Variants in TRPM3 observed in about 807,000 individuals in gnomAD.
TRPM3 encodes the protein long transient receptor potential channel 3.
A neutral mutation model predicts 181.2 loss-of-function variants in TRPM3; 77 were observed. The ratio of observed to expected loss-of-function variants is 0.42; its 90% CI spans 0.35 to 0.51. The LOEUF is 0.51. TRPM3 is among the 20% of genes least tolerant of loss of function. The pLI, the probability that TRPM3 is intolerant of heterozygous loss-of-function variation, is 0.01. For synonymous variants in TRPM3, 745 were observed against 796.4 expected (o/e 0.94, Z 1.09); for missense variants, 1,759 against 2,196.7 (o/e 0.80, Z 3.98).
intron 22 of TRPM3, among the ~76,000 whole-genome samples, chr9:70,572,849 CAGTA>C (rs1339886589): frequency 1.3e-5 from 2 of 152,150 alleles, no homozygotes; most frequent in African/African-American, 4.8e-5. Context: ...CATCTAAAGA[CAGTA>C]AGTAACTAGA....
intron 1 of TRPM3, among the ~76,000 whole-genome samples, chr9:71,052,779 G>T: frequency 6.6e-6 from 1 of 151,718 alleles, no homozygotes. Context: ...AATGGCCAAA[G>T]TACCATCATC....
intron 1 of TRPM3, among the ~76,000 whole-genome samples, chr9:71,351,517 A>G (rs1446942012): frequency 1.3e-5 from 2 of 152,204 alleles, no homozygotes; most frequent in Non-Finnish European, 2.9e-5. Context: ...ATGGTTTCCA[A>G]TTTAAATGTC....
intron 1 of TRPM3, among the ~76,000 whole-genome samples, chr9:71,376,785 A>G (rs968429303): frequency 6.6e-6 from 1 of 152,118 alleles, no homozygotes; most frequent in Non-Finnish European, 1.5e-5. Flanking sequence ...GAAAATTTGG[A>G]AATTTCTGTT....
chr9:71,042,519 G>A (rs933412852), intron 1 of TRPM3, among the ~76,000 whole-genome samples: 2 of 151,926 alleles, frequency 1.3e-5, no homozygotes, highest in African/African-American at 2.4e-5. Context: ...CCCATAAGTG[G>A]CAGGAACACG....
intron 9 of TRPM3, among the ~76,000 whole-genome samples, chr9:70,674,602 C>T (rs995709421): frequency 6.6e-6 from 1 of 151,936 alleles, no homozygotes; most frequent in Non-Finnish European, 1.5e-5. Context: ...CTCTGTTGCC[C>T]AGCCTGGAGT....
chr9:71,268,779 G>T (rs1350815538), intron 1 of TRPM3, among the ~76,000 whole-genome samples: 1 of 152,062 alleles, frequency 6.6e-6, no homozygotes, highest in Non-Finnish European at 1.5e-5. Flanking sequence ...CCAAGAGTGT[G>T]CCACTGCACT....
intron 3 of TRPM3, among the ~76,000 whole-genome samples, chr9:70,859,532 C>A (rs1380159693): frequency 6.6e-6 from 1 of 152,074 alleles, no homozygotes; most frequent in Admixed American, 6.5e-5. Flanking sequence ...GGCACAGTAC[C>A]AGCGATGTAG....
chr9:71,009,504 G>T (rs2134346005), intron 1 of TRPM3, among the ~76,000 whole-genome samples: 1 of 152,012 alleles, frequency 6.6e-6, no homozygotes, highest in South Asian at 2.1e-4. Context: ...AGCTACAAAA[G>T]ATACCTATGA....
At chr9:71,234,987 CT>C (rs1226070577) in intron 1 of TRPM3, among the ~76,000 whole-genome samples, 3 of 152,174 alleles carry the variant, frequency 2.0e-5, no homozygotes, top group Non-Finnish European at 1.5e-5. Flanking sequence ...AAGGTAAGTA[CT>C]AACGTCAAAT....
intron 1 of TRPM3, among the ~76,000 whole-genome samples, chr9:71,395,369 T>C (rs1426402466): frequency 6.6e-6 from 1 of 152,226 alleles, no homozygotes; most frequent in Non-Finnish European, 1.5e-5. Flanking sequence ...CCTAGGAAAA[T>C]GATAAATGCT....
intron 1 of TRPM3, among the ~76,000 whole-genome samples, chr9:71,308,819 A>T: frequency 6.9e-6 from 1 of 144,388 alleles, no homozygotes; most frequent in Non-Finnish European, 1.6e-5. Context: ...GAATGAGATT[A>T]TGACAACAAT....
At chr9:70,618,301 T>C (rs993768241) in intron 17 of TRPM3, among the ~76,000 whole-genome samples, 4 of 152,250 alleles carry the variant, frequency 2.6e-5, no homozygotes, top group African/African-American at 7.2e-5. Flanking sequence ...TAACTATACA[T>C]AGACACATTA....
chr9:71,253,449 C>A (rs984961656), intron 1 of TRPM3, among the ~76,000 whole-genome samples: 2 of 152,096 alleles, frequency 1.3e-5, no homozygotes, highest in South Asian at 4.1e-4. Context: ...ATGCTGCTAA[C>A]CATCATAACA....
In TRPM3 at chr9:70,536,892, T is replaced by A. The variant is rs1178376702; in HGVS notation, c.4221A>T (p.Arg1407Ser). Residue 1407 changes from arginine to serine, a missense_variant, in exon 26 of 26, where the codon AGA becomes AGT. Around this residue, in one of 8 missense-constraint regions of TRPM3, gnomAD observed 612 missense variants for 590.0 expected, o/e 1.04. Coordinates refer to ENST00000677713, the MANE Select transcript of TRPM3 (RefSeq NM_001366145.2). The stretch of plus-strand genomic sequence containing the variant: ...CATAGATGTCTATACACGATGATGG[T>A]CTTCTGGAATCAGGAACAATGGCCA... The part of the protein sequence containing the change: ...NTLAIVPDSR[R>S]PSSCIDIYVS... 1.9e-6 allele frequency: 3 copies of A among 1,614,072 alleles called. No individual in the cohort carries two copies. The South Asian group carries it at 3.3e-5, about 18-fold the overall frequency.
intron 1 of TRPM3, among the ~76,000 whole-genome samples, chr9:71,336,377 T>C (rs1363340124): frequency 5.3e-5 from 8 of 152,066 alleles, no homozygotes; most frequent in African/African-American, 1.9e-4. Flanking sequence ...ATAAAATACC[T>C]AGGAATCCAA....
intron 1 of TRPM3, among the ~76,000 whole-genome samples, chr9:70,919,650 G>C (rs1411295393): frequency 5.3e-5 from 8 of 152,004 alleles, no homozygotes; most frequent in African/African-American, 1.9e-4. Context: ...TGGGCGTGGT[G>C]GTGGGTGCCT....
chr9:70,974,287 A>T (rs1416331940), intron 1 of TRPM3, among the ~76,000 whole-genome samples: 1 of 121,006 alleles, frequency 8.3e-6, no homozygotes, highest in Admixed American at 8.5e-5. Context: ...CGCCTGTAAT[A>T]CCAACACGTT....
rs148476402 is a variant in TRPM3 at position 70,676,808 on chromosome 9, C to A, written c.1345+4698G>T. ...GAAGTTTCTCTTTGATCTTCACCTG[C>A]CCTCCTGTCTCTCACCTTTCATTCT... On this transcript the variant is annotated intron_variant, in intron 9 of 25. Transcript: ENST00000677713. 2.3e-3 allele frequency among the ~76,000 whole-genome samples: 343 copies of A among 152,134 alleles called. 2 individuals are homozygous for A. The highest frequency in any genetic ancestry group is 8.0e-3 in the African/African-American group (331 of 41,496).
chr9:71,264,301 T>C (rs1163040470), intron 1 of TRPM3, among the ~76,000 whole-genome samples: 2 of 152,134 alleles, frequency 1.3e-5, no homozygotes, highest in Non-Finnish European at 2.9e-5. Context: ...GAGAATTCAT[T>C]CATATTGACA....
Sources: gnomAD v4.1 joint callset for allele counts (sites outside exome capture counted in the v4.1 genomes callset) on GRCh38, gnomAD v4.1.1 for gene constraint, gnomAD v4.1.1 regional missense constraint, MANE v1.5 for transcripts, NCBI Gene and HGNC (gene_info 2026-07-23, HGNC 2026-07-21) for gene names.